Variants in MEI4 observed in about 807,000 individuals in gnomAD.
The protein encoded by MEI4 is meiosis-specific protein MEI4.
Under a neutral mutation model 31.4 loss-of-function variants are expected in MEI4, and 27 were observed. The observed-to-expected ratio is 0.86, with a 90% CI of 0.63 to 1.19. The LOEUF is 1.19. MEI4 is among the 50% of genes most tolerant of loss of function. The pLI is 0.00. For synonymous variants in MEI4, 122 were observed against 145.4 expected, an observed-to-expected ratio of 0.84 and a Z score of 1.16; for missense variants, 329 against 398.9, an observed-to-expected ratio of 0.82 and a Z score of 1.49.
intron 4 of MEI4, among the ~76,000 whole-genome samples, chr6:77,879,823 C>G (rs1014405506): frequency 7.9e-5 from 12 of 152,126 alleles, no homozygotes; most frequent in African/African-American, 2.9e-4. Flanking sequence ...AAACGCACTT[C>G]CCAGAGTATT....
chr6:77,773,253 G>T (rs1768360493), intron 3 of MEI4, among the ~76,000 whole-genome samples: 1 of 151,874 alleles, frequency 6.6e-6, no homozygotes, highest in Admixed American at 6.6e-5. Context: ...GGGGCAAAAA[G>T]AACAAAGATG....
At chr6:77,828,351 T>C (rs1770004316) in intron 3 of MEI4, among the ~76,000 whole-genome samples, 1 of 151,832 alleles carries the variant, frequency 6.6e-6, no homozygotes, top group Non-Finnish European at 1.5e-5. Context: ...GAGCTTCCCC[T>C]CCTGTCAGAT....
chr6:77,761,523 G>A lies in MEI4; in HGVS notation c.626G>A (p.Trp209Ter). 1 of 1,232,000 alleles carries A rather than the reference G, an allele frequency of 8.1e-7. No homozygotes were observed. Among genetic ancestry groups the A allele is most frequent in the Non-Finnish European group, 1.0e-6 (1 of 987,906 alleles). The allele number at this position is 1,232,000 out of a possible 1,614,324, so 76.3% of individuals were successfully genotyped here. A position where few individuals can be genotyped will look rare whatever the true frequency, so the allele number is the denominator to read the frequency against. The change falls in exon 3 of 5, where the codon TGG (tryptophan) becomes TAG (stop). Residue 209 changes from tryptophan (W) to a stop codon, truncating the protein, a stop_gained. Transcript: ENST00000684080. LOFTEE classifies it high-confidence loss of function. ...RNPKLPFSRF[W>*]TEAVGTLASL... is the part of the protein sequence containing the mutation. ...CCCAAACTTCCTTTTTCAAGATTTT[G>A]GACAGAAGCTGTTGGTACTTTAGCT...
At chr6:77,742,874 G>C (rs1028735411) in intron 2 of MEI4, among the ~76,000 whole-genome samples, 129 of 152,006 alleles carry the variant, frequency 8.5e-4, no homozygotes, top group Non-Finnish European at 1.0e-3. Flanking sequence ...TTATTAAATA[G>C]GGACTCCTTT....
At chr6:77,792,413 A>G (rs1768960909) in intron 3 of MEI4, among the ~76,000 whole-genome samples, 1 of 152,116 alleles carries the variant, frequency 6.6e-6, no homozygotes, top group Non-Finnish European at 1.5e-5. Flanking sequence ...ACTGATTTAC[A>G]CTCACACCAG....
chr6:77,741,421 C>G (rs545006672), intron 2 of MEI4, among the ~76,000 whole-genome samples: 1 of 152,104 alleles, frequency 6.6e-6, no homozygotes, highest in African/African-American at 2.4e-5. Context: ...AGAACAGAAC[C>G]AGAAGGCAGT....
chr6:77,923,459 CTAAATA>C lies in MEI4; in HGVS notation c.*117_*122del. On this transcript the variant is annotated 3_prime_UTR_variant, in exon 5 of 5. Coordinates refer to ENST00000684080, the MANE Select transcript of MEI4 (RefSeq NM_001322247.2). The stretch of plus-strand genomic sequence containing the variant: ...TTAATTAGCATTTTAGAATTGATCT[CTAAATA>C]TAATTATCAATTCAACTTAATGGTT... The C allele has an allele frequency of 2.4e-6, 2 of 831,122 alleles. No homozygotes were observed. Among genetic ancestry groups the C allele is most frequent in the Non-Finnish European group, 3.2e-6 (2 of 624,854 alleles). 51.5% of individuals were successfully genotyped at this position (831,122 alleles called of 1,614,324 possible).
At chr6:77,850,072 C>T (rs1268007976) in intron 4 of MEI4, among the ~76,000 whole-genome samples, 1 of 152,070 alleles carries the variant, frequency 6.6e-6, no homozygotes, top group Non-Finnish European at 1.5e-5. Flanking sequence ...TTCATTTGTC[C>T]TTCAACTACT....
At chr6:77,709,915 A>G (rs982205189) in intron 2 of MEI4, among the ~76,000 whole-genome samples, 3 of 152,050 alleles carry the variant, frequency 2.0e-5, no homozygotes, top group Admixed American at 6.6e-5. Flanking sequence ...ATCTTCTCCT[A>G]TTTGTCTTCC....
At chr6:77,822,764 C>T (rs1769857780) in intron 3 of MEI4, among the ~76,000 whole-genome samples, 1 of 151,560 alleles carries the variant, frequency 6.6e-6, no homozygotes, top group South Asian at 2.1e-4. Context: ...GGAATACAGG[C>T]ACCCACCACC....
chr6:77,883,743 T>TACATATATATATATATATATATATAA (rs1194476390), intron 4 of MEI4, among the ~76,000 whole-genome samples: 4 of 131,712 alleles, frequency 3.0e-5, no homozygotes, highest in African/African-American at 1.3e-4. Context: ...TATATATATA[T>TACATATATATATATATATATATATAA]AACTTTGTCT....
chr6:77,917,137 A>G (rs1441973729), intron 4 of MEI4, among the ~76,000 whole-genome samples: 1 of 152,002 alleles, frequency 6.6e-6, no homozygotes, highest in Admixed American at 6.6e-5. Context: ...TCCGTGGTGT[A>G]TATGTGCCAC....
chr6:77,744,020 A>G (rs113786923), intron 2 of MEI4, among the ~76,000 whole-genome samples: 3,120 of 152,302 alleles, frequency 0.02, 116 homozygotes, highest in African/African-American at 0.071. Flanking sequence ...AGACGGAGAA[A>G]AAACAGAGCA....
chr6:77,837,037 T>C (rs568581085), intron 4 of MEI4, among the ~76,000 whole-genome samples: 1 of 152,270 alleles, frequency 6.6e-6, no homozygotes, highest in East Asian at 1.9e-4. Flanking sequence ...GAAACAAGGC[T>C]GAACATTCCC....
chr6:77,723,281 T>G (rs2127664274), intron 2 of MEI4, among the ~76,000 whole-genome samples: 1 of 139,444 alleles, frequency 7.2e-6, no homozygotes, highest in South Asian at 2.2e-4. Flanking sequence ...GCACTGCCAC[T>G]TGTGGCGGGG....
At chr6:77,803,363 A>T (rs1325881166) in intron 3 of MEI4, among the ~76,000 whole-genome samples, 5 of 152,054 alleles carry the variant, frequency 3.3e-5, no homozygotes, top group Non-Finnish European at 2.9e-5. Flanking sequence ...TATTCTAGGT[A>T]GTCATTGGTC....
rs1769795935 is a variant in MEI4, at chr6:77,820,448, T to A, written c.769-8483T>A. Among the ~76,000 whole-genome samples, 1 of 152,156 alleles carries A rather than the reference T, an allele frequency of 6.6e-6. No homozygotes were observed. Among genetic ancestry groups the A allele is most frequent in the South Asian group, 2.1e-4 (1 of 4,826 alleles). ...CCCTGGCTAATTTTGTGTATTTTAG[T>A]AGAGACAGGGTTTCACCGTGTTGCC... On this transcript the variant is annotated intron_variant, in intron 3 of 4. Transcript: ENST00000684080. The surrounding 1 kb of genome is among the most constrained non-coding windows in gnomAD (Gnocchi z 4.5).
chr6:77,880,923 G>A (rs1413420364), intron 4 of MEI4, among the ~76,000 whole-genome samples: 1 of 151,810 alleles, frequency 6.6e-6, no homozygotes, highest in African/African-American at 2.4e-5. Context: ...TAGAAAATCA[G>A]ATATATTTTA....
chr6:77,916,808 G>T (rs1766565303), intron 4 of MEI4, among the ~76,000 whole-genome samples: 2 of 150,258 alleles, frequency 1.3e-5, no homozygotes, highest in Admixed American at 6.7e-5. Flanking sequence ...TAGGGTACAT[G>T]TGCACATTGT....
Sources: allele counts gnomAD v4.1 joint callset (sites outside exome capture counted in the v4.1 genomes callset), GRCh38; gene constraint gnomAD v4.1.1; non-coding constraint Gnocchi (gnomAD v3.1); transcripts MANE v1.5; gene names NCBI Gene and HGNC (gene_info 2026-07-23, HGNC 2026-07-21).